Variants in STAG1 observed in about 807,000 individuals in gnomAD.
STAG1 encodes STAG1 cohesin complex component, also known as cohesin subunit SA-1.
A neutral mutation model predicts 170.9 loss-of-function variants in STAG1; 26 were observed. That is an observed-to-expected ratio of 0.15 (90% CI 0.11 to 0.21). The LOEUF (loss-of-function observed/expected upper bound fraction) is 0.21, where lower values mean the gene tolerates loss of function less well. Among genes scored for constraint, STAG1 ranks in the 10% least tolerant of loss-of-function variants. The pLI is 1.00. For missense variants in STAG1, 964 were observed against 1,509.5 expected (o/e 0.64, Z 5.99); for synonymous variants, 514 against 497.7 (o/e 1.03, Z -0.44).
At chr3:136,710,555 T>C (rs1943355437) in intron 1 of STAG1, among the ~76,000 whole-genome samples, 1 of 152,178 alleles carries the variant, frequency 6.6e-6, no homozygotes, top group African/African-American at 2.4e-5. Context: ...TTTACTTCAC[T>C]TCCACTGAAA....
chr3:136,468,186 A>C (rs1192941842), intron 12 of STAG1, among the ~76,000 whole-genome samples: 2 of 152,174 alleles, frequency 1.3e-5, no homozygotes, highest in Non-Finnish European at 2.9e-5. Context: ...TAGAGACACA[A>C]AAAACTCTTC....
At position 136,540,710 on chromosome 3, in the gene STAG1, T is replaced by C. The variant is rs1269927248; in HGVS notation, c.471+1409A>G. ...GGTGGCACACCCCTGTAATCCCAGC[T>C]ACTTGGGAGGCTGAGGCATGAGAAC... On this transcript the variant is annotated intron_variant, in intron 6 of 33. Coordinates refer to ENST00000383202, the MANE Select transcript of STAG1 (RefSeq NM_005862.3). Among the ~76,000 whole-genome samples the C allele has an allele frequency of 2.7e-5, 4 of 150,236 alleles. No homozygotes were observed. In the Admixed American group the frequency reaches 2.7e-4, roughly 10 times the overall value.
At chr3:136,615,644 G>T (rs1939552938) in intron 3 of STAG1, among the ~76,000 whole-genome samples, 1 of 151,288 alleles carries the variant, frequency 6.6e-6, no homozygotes, top group African/African-American at 2.4e-5. Context: ...CGGGCGTGAT[G>T]GTGGGCACCT....
chr3:136,681,802 A>C (rs1346969188), intron 1 of STAG1, among the ~76,000 whole-genome samples: 1 of 152,230 alleles, frequency 6.6e-6, no homozygotes, highest in Non-Finnish European at 1.5e-5. Flanking sequence ...CAATGCAGGA[A>C]AAAAAATGAC....
intron 7 of STAG1, among the ~76,000 whole-genome samples, chr3:136,503,794 G>A (rs1933613358): frequency 6.6e-6 from 1 of 151,860 alleles, no homozygotes; most frequent in African/African-American, 2.4e-5. Flanking sequence ...GGAGTGCAAT[G>A]GCGCAATCTT....
At chr3:136,487,068 G>C (rs146608492) in intron 9 of STAG1, among the ~76,000 whole-genome samples, 54 of 144,402 alleles carry the variant, frequency 3.7e-4, no homozygotes, top group Non-Finnish European at 7.5e-4. Flanking sequence ...TTGTTATACA[G>C]GTATGCATGT....
intron 1 of STAG1, among the ~76,000 whole-genome samples, chr3:136,664,998 T>C (rs1316546699): frequency 1.3e-5 from 2 of 152,238 alleles, no homozygotes; most frequent in African/African-American, 4.8e-5. Context: ...CCTTGAAATG[T>C]AGTGGAGTTT....
At chr3:136,612,361 C>A (rs1259458447) in intron 3 of STAG1, among the ~76,000 whole-genome samples, 4 of 151,946 alleles carry the variant, frequency 2.6e-5, no homozygotes, top group African/African-American at 9.7e-5. Flanking sequence ...AATCCCCGTA[C>A]ATTGAGAGGA....
At chr3:136,738,872 A>G (rs1194941291) in intron 1 of STAG1, among the ~76,000 whole-genome samples, 2 of 152,210 alleles carry the variant, frequency 1.3e-5, no homozygotes, top group Non-Finnish European at 2.9e-5. Flanking sequence ...CATAATGTAC[A>G]CATATACCAA....
intron 12 of STAG1, among the ~76,000 whole-genome samples, chr3:136,467,880 G>T (rs1174509547): frequency 6.6e-6 from 1 of 152,168 alleles, no homozygotes; most frequent in East Asian, 1.9e-4. Context: ...CAACTACACG[G>T]AAACTAAACA....
At chr3:136,442,661 T>C (rs1360995832) in intron 15 of STAG1, among the ~76,000 whole-genome samples, 2 of 119,618 alleles carry the variant, frequency 1.7e-5, no homozygotes, top group East Asian at 8.8e-4. Flanking sequence ...AGTTCACATA[T>C]AAATCAAGAA....
At chr3:136,358,428 A>G (rs190128774) in intron 27 of STAG1, among the ~76,000 whole-genome samples, 5 of 152,162 alleles carry the variant, frequency 3.3e-5, no homozygotes, top group Admixed American at 3.3e-4. Flanking sequence ...CCCTGGACAG[A>G]GAATTATTAA....
intron 13 of STAG1, among the ~76,000 whole-genome samples, chr3:136,464,476 A>T (rs2089393525): frequency 6.6e-6 from 1 of 152,126 alleles, no homozygotes; most frequent in African/African-American, 2.4e-5. Flanking sequence ...ATGAAAAAAA[A>T]TGAAAATTTG....
intron 6 of STAG1, among the ~76,000 whole-genome samples, chr3:136,532,842 C>G (rs1416437780): frequency 1.3e-5 from 2 of 152,124 alleles, no homozygotes; most frequent in Non-Finnish European, 2.9e-5. Flanking sequence ...AAACCTTTTC[C>G]TTCAAGAACT....
intron 12 of STAG1, among the ~76,000 whole-genome samples, chr3:136,467,026 C>G (rs1423959677): frequency 1.3e-5 from 2 of 152,154 alleles, no homozygotes; most frequent in African/African-American, 2.4e-5. Context: ...AAAGGAACAA[C>G]CAGTACCAGC....
chr3:136,547,309 T>C (rs1363835931), intron 5 of STAG1, among the ~76,000 whole-genome samples: 4 of 152,200 alleles, frequency 2.6e-5, no homozygotes, highest in Admixed American at 1.3e-4. Context: ...GCCCATACTT[T>C]ATGCAGACTT....
intron 28 of STAG1, among the ~76,000 whole-genome samples, chr3:136,352,135 A>AT (rs1479834117): frequency 1.3e-5 from 2 of 151,966 alleles, no homozygotes; most frequent in African/African-American, 2.4e-5. Context: ...ATTTCAAAAG[A>AT]TATCATTTTT....
chr3:136,738,148 T>C (rs1383224374), intron 1 of STAG1, among the ~76,000 whole-genome samples: 3 of 152,106 alleles, frequency 2.0e-5, no homozygotes, highest in African/African-American at 7.2e-5. Flanking sequence ...GAATGGTGGT[T>C]ACCAGGGATG....
rs1939942018 is a variant in STAG1, at chr3:136,623,175, T to TTTTTCC, written c.97_102dup (p.Gly33_Lys34dup). On this transcript the variant is annotated inframe_insertion, in exon 3 of 34. Coordinates refer to ENST00000383202, the MANE Select transcript of STAG1 (RefSeq NM_005862.3). The stretch of plus-strand genomic sequence containing the variant: ...GGCCGGCCAGGACGACCCCTTTTTC[T>TTTTTCC]TTTTCCTTTGACCTCTGTTTCTTCA... The TTTTTCC allele has an allele frequency of 3.1e-6, 5 of 1,613,736 alleles. No individual in the cohort carries two copies. The East Asian group carries it at 6.7e-5, about 22-fold the overall frequency.
Sources: gnomAD v4.1 joint callset for allele counts (sites outside exome capture counted in the v4.1 genomes callset) on GRCh38, gnomAD v4.1.1 for gene constraint, MANE v1.5 for transcripts, NCBI Gene and HGNC (gene_info 2026-07-23, HGNC 2026-07-21) for gene names.